The following SHROOM3 variants were observed in gnomAD, a reference collection of about 807,000 sequenced individuals.
SHROOM3 encodes protein Shroom3.
In SHROOM3, 47 loss-of-function variants were observed where a neutral mutation model predicts 138.6. The observed-to-expected ratio is 0.34, with a 90% confidence interval of 0.27 to 0.43. The LOEUF is 0.43. Ranked by LOEUF, SHROOM3 falls within the 20% of genes least tolerant of loss-of-function variation. The pLI, the probability that SHROOM3 is intolerant of heterozygous loss-of-function variation, is 1.00. For missense variants in SHROOM3, 2,491 were observed against 2,596.5 expected (o/e 0.96, Z 0.88); for synonymous variants, 1,062 against 1,063.3 (o/e 1.00, Z 0.02).
In SHROOM3 at chr4:76,647,333, G is replaced by T. The variant is rs182041076; in HGVS notation, c.324-62823G>T. ...TACAAACTTACAGTTAAAGGAATAC[G>T]CTCTAATGTTCGACAGCAGAGTGGG... is the stretch of plus-strand genomic sequence containing the variant. On this transcript the variant is annotated intron_variant, in intron 2 of 10. Transcript: ENST00000296043. Among the ~76,000 whole-genome samples the T allele has an allele frequency of 2.0e-5, 3 of 152,194 alleles. No homozygotes were observed. In the East Asian group the frequency reaches 5.8e-4, roughly 29 times the overall value.
At chr4:76,514,039 C>T (rs1301774433) in intron 1 of SHROOM3, among the ~76,000 whole-genome samples, 1 of 152,090 alleles carries the variant, frequency 6.6e-6, no homozygotes, top group Non-Finnish European at 1.5e-5. Context: ...ATTTTTAAGC[C>T]GTTCACTGGT....
intron 6 of SHROOM3, 78 bp from the exon 7 acceptor site, chr4:76,754,225 CTTTTCTCA>C: frequency 6.4e-7 from 1 of 1,553,000 alleles, no homozygotes; most frequent in Non-Finnish European, 8.9e-7. Context: ...CTCTTAAATG[CTTTTCTCA>C]TCTATGTAAG....
chr4:76,720,605 A>C lies in SHROOM3; in HGVS notation c.456-10199A>C, dbSNP rs537471500. Among the ~76,000 whole-genome samples, 5 of 151,078 alleles carry C rather than the reference A, an allele frequency of 3.3e-5. No individual in the cohort carries two copies. The East Asian group carries it at 9.8e-4, about 29-fold the overall frequency. On this transcript the variant is annotated intron_variant, in intron 3 of 10. Transcript: ENST00000296043. ...CTAAAGAAGATATAATCTCTCCCTG[A>C]ATTCTTTCTTTTTTTTTTTTTTTTT...
At chr4:76,641,645 G>A (rs1448595056) in intron 2 of SHROOM3, among the ~76,000 whole-genome samples, 3 of 152,258 alleles carry the variant, frequency 2.0e-5, no homozygotes, top group Admixed American at 6.5e-5. Flanking sequence ...CATGGTCTTC[G>A]GAGCTCCACC....
At chr4:76,445,687 C>T (rs985968612) in intron 1 of SHROOM3, among the ~76,000 whole-genome samples, 2 of 152,120 alleles carry the variant, frequency 1.3e-5, no homozygotes, top group Non-Finnish European at 2.9e-5. Context: ...TGGAAAGGAC[C>T]TTGGACTGGA....
At chr4:76,733,411 A>G (rs578057840) in intron 4 of SHROOM3, among the ~76,000 whole-genome samples, 2 of 152,282 alleles carry the variant, frequency 1.3e-5, no homozygotes, top group African/African-American at 2.4e-5. Flanking sequence ...TGACATAAGG[A>G]CCATCAGCAC....
intron 2 of SHROOM3, among the ~76,000 whole-genome samples, chr4:76,632,707 T>C (rs1219731638): frequency 6.6e-6 from 1 of 152,194 alleles, no homozygotes; most frequent in African/African-American, 2.4e-5. Context: ...ACAAGCAGTA[T>C]TGGTAGAAAA....
At chr4:76,569,595 G>A (rs559163762) in intron 2 of SHROOM3, among the ~76,000 whole-genome samples, 1 of 152,172 alleles carries the variant, frequency 6.6e-6, no homozygotes, top group South Asian at 2.1e-4. Flanking sequence ...CTGGTGGTAG[G>A]AAATGGATAA....
intron 2 of SHROOM3, among the ~76,000 whole-genome samples, chr4:76,598,714 G>A (rs1005007468): frequency 2.0e-5 from 3 of 152,212 alleles, no homozygotes. Context: ...CGTGGGCAGG[G>A]GGTAGCCCTG....
At chr4:76,505,594 A>G (rs1732192839) in intron 1 of SHROOM3, among the ~76,000 whole-genome samples, 2 of 151,936 alleles carry the variant, frequency 1.3e-5, no homozygotes, top group African/African-American at 4.8e-5. Flanking sequence ...TAAAAATAAT[A>G]CAAATTTTAA....
chr4:76,657,939 A>G (rs1560582331), intron 2 of SHROOM3, among the ~76,000 whole-genome samples: 1 of 152,166 alleles, frequency 6.6e-6, no homozygotes, highest in Non-Finnish European at 1.5e-5. Flanking sequence ...GGTCCTCTCC[A>G]TGGAGTTCAG....
In SHROOM3 at chr4:76,718,261, G is replaced by A. The variant is rs115167711; in HGVS notation, c.455+7974G>A. Among the ~76,000 whole-genome samples, 533 of 152,242 alleles carry A rather than the reference G, an allele frequency of 3.5e-3. 4 individuals are homozygous for A. The highest frequency in any genetic ancestry group is 0.012 in the African/African-American group (488 of 41,550). ...CATCTGAAAGTGAGTAAGAGAGAAC[G>A]TTCTTTTGATTTTTATTCTCCCAAA... On this transcript the variant is annotated intron_variant, in intron 3 of 10. Coordinates refer to ENST00000296043, the MANE Select transcript of SHROOM3 (RefSeq NM_020859.4).
chr4:76,598,261 C>T (rs563557367), intron 2 of SHROOM3, among the ~76,000 whole-genome samples: 12 of 152,048 alleles, frequency 7.9e-5, no homozygotes, highest in Middle Eastern at 3.4e-3. Flanking sequence ...CTCCTGACCT[C>T]GTGATCAGCC....
At chr4:76,590,863 G>A (rs775708069) in intron 2 of SHROOM3, among the ~76,000 whole-genome samples, 5 of 151,868 alleles carry the variant, frequency 3.3e-5, no homozygotes, top group South Asian at 2.1e-4. Context: ...CGATCCTGTC[G>A]GCAGCTGCAT....
intron 1 of SHROOM3, among the ~76,000 whole-genome samples, chr4:76,532,541 T>C: frequency 6.6e-6 from 1 of 152,078 alleles, no homozygotes; most frequent in African/African-American, 2.4e-5. Flanking sequence ...CGAATCCAAT[T>C]GTCATCAGTT....
At chr4:76,639,292 C>G (rs1284681353) in intron 2 of SHROOM3, among the ~76,000 whole-genome samples, 1 of 152,182 alleles carries the variant, frequency 6.6e-6, no homozygotes, top group Non-Finnish European at 1.5e-5. Flanking sequence ...TTCACAAAAG[C>G]CACCCTGAAA....
At chr4:76,481,872 T>C (rs559604788) in intron 1 of SHROOM3, among the ~76,000 whole-genome samples, 1 of 152,238 alleles carries the variant, frequency 6.6e-6, no homozygotes, top group South Asian at 2.1e-4. Flanking sequence ...ATAAACGTAG[T>C]CCATCACGGA....
intron 1 of SHROOM3, among the ~76,000 whole-genome samples, chr4:76,518,265 AC>A (rs1293989500): frequency 2.0e-5 from 3 of 151,974 alleles, no homozygotes; most frequent in South Asian, 2.1e-4. Context: ...TAGGCATTTA[AC>A]CCCCCAAGAG....
In SHROOM3 at chr4:76,739,696, G is replaced by T; in HGVS notation, c.1523G>T (p.Cys508Phe). 6.2e-7 allele frequency: 1 copy of T among 1,614,190 alleles called. No individual in the cohort carries two copies. Among genetic ancestry groups the T allele is most frequent in the South Asian group, 1.1e-5 (1 of 91,086 alleles). Residue 508 changes from cysteine (C) to phenylalanine (F), a missense_variant, in exon 5 of 11, where the codon TGC becomes TTC. By Grantham distance (205) the Cys-to-Phe change is radical. Transcript: ENST00000296043. ...ESGYIAPQGA[C>F]NKMATIDENG... ...GGATACATAGCCCCTCAGGGAGCAT[G>T]CAACAAGATGGCTACCATTGATGAG...
Sources: allele counts gnomAD v4.1 joint callset (sites outside exome capture counted in the v4.1 genomes callset), GRCh38; gene constraint gnomAD v4.1.1; transcripts MANE v1.5; gene names NCBI Gene and HGNC (gene_info 2026-07-23, HGNC 2026-07-21).